Variants in CEP104 observed in about 807,000 individuals in gnomAD.
CEP104 encodes centrosomal protein 104.
A neutral mutation model predicts 113.3 loss-of-function variants in CEP104; 84 were observed. The ratio of observed to expected loss-of-function variants is 0.74; its 90% confidence interval spans 0.62 to 0.89. The LOEUF (loss-of-function observed/expected upper bound fraction) is 0.89. Ranked by LOEUF, CEP104 falls within the 40% of genes least tolerant of loss-of-function variation. CEP104 has a pLI of 0.00. For synonymous variants in CEP104, 378 were observed against 421.7 expected (o/e 0.90, Z 1.27); for missense variants, 1,053 against 1,156.6 (o/e 0.91, Z 1.30).
At chr1:3,838,160 CTT>C (rs1404136126) in intron 8 of CEP104, among the ~76,000 whole-genome samples, 2 of 152,190 alleles carry the variant, frequency 1.3e-5, no homozygotes, top group African/African-American at 2.4e-5. Flanking sequence ...AGTGTGCTCT[CTT>C]GTTTTTCAGA....
At position 3,836,492 on chromosome 1, in the gene CEP104, T is replaced by TTTTG; in HGVS notation, c.1317+2_1317+3insCAAA. On this transcript the variant is annotated splice_region_variant and intron_variant, in intron 10 of 21. Transcript: ENST00000378230. ...CGTTTTTTTTTTTTTTTTTTTTTTT[T>TTTTG]ACCAAGGTTTCTCCCAACACATCGA... is the stretch of plus-strand genomic sequence containing the variant. 1.3e-6 allele frequency: 2 copies of TTTTG among 1,543,054 alleles called. No individual in the cohort carries two copies. The highest frequency in any genetic ancestry group is 1.7e-6 in the Non-Finnish European group (2 of 1,149,612).
At chr1:3,852,783 C>T (rs1644639487) in intron 1 of CEP104, among the ~76,000 whole-genome samples, 3 of 152,278 alleles carry the variant, frequency 2.0e-5, no homozygotes, top group African/African-American at 7.2e-5. Context: ...AAAATGAGGT[C>T]CTCGGGGTGG....
rs1643863636 is a variant in CEP104, at chr1:3,815,306, C to T, written c.*96G>A. On this transcript the variant is annotated 3_prime_UTR_variant, in exon 22 of 22. Transcript: ENST00000378230. ...GGGGAGCTGGGGACAGCAGCCAGAG[C>T]ATGGGGCCACCAAGGCCAGAGAGTT... The T allele has an allele frequency of 6.5e-6, 6 of 920,914 alleles. No homozygotes were observed. The highest frequency in any genetic ancestry group is 1.0e-5 in the Non-Finnish European group (6 of 591,370). 57.0% of individuals were successfully genotyped at this position (920,914 alleles called of 1,614,324 possible).
intron 6 of CEP104, 66 bp downstream of exon 6, chr1:3,844,841 T>C (rs2124686160): frequency 7.4e-7 from 1 of 1,356,678 alleles, no homozygotes; most frequent in Non-Finnish European, 1.1e-6. Context: ...CCTTTGGAAA[T>C]GACTGACCCT....
intron 4 of CEP104, 66 bp downstream of exon 4, chr1:3,847,409 A>G (rs886064625): frequency 1.3e-5 from 19 of 1,411,812 alleles, no homozygotes; most frequent in Admixed American, 2.2e-5. Flanking sequence ...AAGAAAAGAT[A>G]CGTGACCACA....
Position 3,846,872 on chromosome 1 carries a change from G to A in CEP104, c.426+603C>T, listed in dbSNP as rs139716748. 9.7e-4 allele frequency among the ~76,000 whole-genome samples: 148 copies of A among 151,980 alleles called. 2 individuals are homozygous for A. In the Middle Eastern group the frequency reaches 0.017, roughly 17 times the overall value. ...GATTTCTACTACACTAATCATGTGAGAAAAAGAAAAAAAGAAGGAAAGAAA... is the reference window on the plus strand; with the variant it reads ...GATTTCTACTACACTAATCATGTGAAAAAAAGAAAAAAAGAAGGAAAGAAA... On this transcript the variant is annotated intron_variant, in intron 4 of 21. Transcript: ENST00000378230.
intron 20 of CEP104, among the ~76,000 whole-genome samples, chr1:3,822,338 G>A (rs1643993917): frequency 6.6e-6 from 1 of 152,210 alleles, no homozygotes. Context: ...TTTGGTGTGA[G>A]TTTTCTGGGG....
rs753291959 is a variant in CEP104 at position 3,852,327 on chromosome 1, G to C, written c.81C>G (p.His27Gln). ...ACCGCCACCCACTGACAGTTGGCGC[G>C]TGGATCATGAGCTCCCGGGCACTGA... ...DGFSARELMIHAPTVSGWRSP... is the reference protein window; with the variant it reads ...DGFSARELMIQAPTVSGWRSP... The change falls in exon 2 of 22, where the codon CAC becomes CAG. Residue 27 changes from histidine (H) to glutamine (Q), a missense_variant. Physicochemically the swap from His to Gln is conservative, Grantham distance 24 (BLOSUM62 0). Transcript: ENST00000378230. 6.2e-7 allele frequency: 1 copy of C among 1,613,906 alleles called. No homozygotes were observed. The highest frequency in any genetic ancestry group is 1.1e-5 in the South Asian group (1 of 91,078).
chr1:3,836,542 C>T lies in CEP104; in HGVS notation c.1270G>A (p.Ala424Thr). 1 of 1,575,428 alleles carries T rather than the reference C, an allele frequency of 6.3e-7. No homozygotes were observed. The highest frequency in any genetic ancestry group is 8.6e-7 in the Non-Finnish European group (1 of 1,163,536). The change falls in exon 10 of 22, where the codon GCC becomes ACC. Residue 424 changes from alanine (A) to threonine (T), a missense_variant. Physicochemically the swap from Ala to Thr is moderately conservative, Grantham distance 58. Coordinates refer to ENST00000378230, the MANE Select transcript of CEP104 (RefSeq NM_014704.4). Reference protein sequence around the residue: ...LGEPEPLTEKALREASSAIDV... With the variant: ...LGEPEPLTEKTLREASSAIDV... ...ATGGCAGAGCTGGCTTCTCTCAAGG[C>T]CTTCTCGGTTAAGGGCTCTGGCTCC...
At position 3,815,184 on chromosome 1, in the gene CEP104, G is replaced by A. The variant is rs925416967; in HGVS notation, c.*218C>T. 2 of 564,956 alleles carry A rather than the reference G, an allele frequency of 3.5e-6. No individual in the cohort carries two copies. Among genetic ancestry groups the A allele is most frequent in the Non-Finnish European group, 3.2e-6 (1 of 314,488 alleles). 35.0% of individuals were successfully genotyped at this position (564,956 alleles called of 1,614,324 possible). A position where few individuals can be genotyped will look rare whatever the true frequency, so the allele number is the denominator to read the frequency against. On this transcript the variant is annotated 3_prime_UTR_variant, in exon 22 of 22. Coordinates refer to ENST00000378230, the MANE Select transcript of CEP104 (RefSeq NM_014704.4). ...CCCTGAAGGCTTAATGTACAGTGCG[G>A]CCAGGTCCTGGCACTGCACGCAGGA...
chr1:3,829,437 A>G, intron 14 of CEP104, 64 bp from the exon 15 acceptor site: 4 of 1,071,774 alleles, frequency 3.7e-6, no homozygotes, highest in Non-Finnish European at 5.5e-6. Context: ...ACTGGGAGAC[A>G]AATTATGGCA....
rs7538067 is a variant in CEP104, at chr1:3,845,208, C to T, written c.489+81G>A. On this transcript the variant is annotated intron_variant, in intron 5 of 21. Coordinates refer to ENST00000378230, the MANE Select transcript of CEP104 (RefSeq NM_014704.4). Reference sequence around the variant, plus strand: ...TTTTATGCAGATTATAAAAATGACACATTTTTTGGGTGAAAATAAATGACT... The same window carrying T: ...TTTTATGCAGATTATAAAAATGACATATTTTTTGGGTGAAAATAAATGACT... 0.22 allele frequency: 224,705 copies of T among 1,025,166 alleles called. 27,254 individuals are homozygous for T. Among genetic ancestry groups the T allele is most frequent in the Non-Finnish European group, 0.24 (164,895 of 676,542 alleles). The allele number at this position is 1,025,166 out of a possible 1,614,324, so 63.5% of individuals were successfully genotyped here.
chr1:3,843,550 A>G (rs6690371), intron 6 of CEP104, among the ~76,000 whole-genome samples: 89,988 of 126,028 alleles, frequency 0.71, 28,321 homozygotes, highest in Non-Finnish European at 0.77. Context: ...TGGGGTTTTG[A>G]CATGTTCCCC....
In CEP104 at chr1:3,829,353, T is replaced by C; in HGVS notation, c.2064A>G (p.Thr688=). ...AEMRARRKAA[T]EEAEKQKKEE... ...CTTTCTTTTGTTTTTCTGCTTCTTC[T>C]GTAGCCGCTTTTCTCCGTGCCTGGT... The change falls in exon 15 of 22, where the codon ACA becomes ACG. Residue 688 remains threonine, a synonymous_variant. Transcript: ENST00000378230. 1 of 1,610,608 alleles carries C rather than the reference T, an allele frequency of 6.2e-7. No individual in the cohort carries two copies. The highest frequency in any genetic ancestry group is 1.1e-5 in the South Asian group (1 of 90,016).
chr1:3,842,326 C>T (rs1028938822), intron 6 of CEP104, among the ~76,000 whole-genome samples: 33 of 152,198 alleles, frequency 2.2e-4, no homozygotes, highest in African/African-American at 4.6e-4. Context: ...GTGATCCGCC[C>T]GCCTCGGCCT....
At chr1:3,822,121 G>C (rs1384286572) in intron 20 of CEP104, among the ~76,000 whole-genome samples, 1 of 152,172 alleles carries the variant, frequency 6.6e-6, no homozygotes, top group Non-Finnish European at 1.5e-5. Context: ...GACGGGCTGA[G>C]TTGCTAGTTG....
At chr1:3,824,597 C>G (rs1403046092) in intron 18 of CEP104, among the ~76,000 whole-genome samples, 1 of 152,188 alleles carries the variant, frequency 6.6e-6, no homozygotes, top group African/African-American at 2.4e-5. Context: ...GACTGACCAA[C>G]CACTCACATC....
rs1644323969 is a variant in CEP104 at position 3,836,798 on chromosome 1, A to G, written c.1120-106T>C. The G allele has an allele frequency of 6.8e-6, 6 of 887,328 alleles. No homozygotes were observed. The South Asian group carries it at 9.4e-5, about 14-fold the overall frequency. 55.0% of individuals were successfully genotyped at this position (887,328 alleles called of 1,614,324 possible). On this transcript the variant is annotated intron_variant, in intron 9 of 21. Transcript: ENST00000378230. The stretch of plus-strand genomic sequence containing the variant: ...TACTGCGCTTACTTACCTGATCTGA[A>G]AGATGTTATTTTGCTAAATATCAGT...
At chr1:3,818,738 A>G (rs913654348) in intron 20 of CEP104, among the ~76,000 whole-genome samples, 3 of 152,216 alleles carry the variant, frequency 2.0e-5, no homozygotes, top group Admixed American at 2.0e-4. Flanking sequence ...TTACAATTTA[A>G]TAGTTTTATT....
Sources: allele counts gnomAD v4.1 joint callset (sites outside exome capture counted in the v4.1 genomes callset), GRCh38; gene constraint gnomAD v4.1.1; transcripts MANE v1.5; gene names NCBI Gene and HGNC (gene_info 2026-07-23, HGNC 2026-07-21).